The following KCNC3 variants were observed in gnomAD, a reference collection of about 807,000 sequenced individuals.
The protein encoded by KCNC3 is potassium voltage-gated channel subfamily C member 3.
KCNC3 carries 22 observed loss-of-function variants against 43.9 expected under a neutral mutation model. The observed-to-expected ratio is 0.50, with a 90% CI of 0.36 to 0.72. The LOEUF (loss-of-function observed/expected upper bound fraction) is 0.72. KCNC3 is among the 30% of genes least tolerant of loss of function. The pLI is 0.00. For synonymous variants in KCNC3, 492 were observed against 488.0 expected (o/e 1.01, Z -0.11); for missense variants, 829 against 1,073.8 (o/e 0.77, Z 3.19).
At position 50,328,591 on chromosome 19, in the gene KCNC3, C is replaced by T; in HGVS notation, c.492G>A (p.Gly164=). The change falls in exon 1 of 5, where the codon GGG becomes GGA. Residue 164 remains glycine, a synonymous_variant. Transcript: ENST00000477616. Reference sequence around the variant, plus strand: ...AGCCGAGCTCCTCCTCAAACAGGGGCCCGCACACGTCGGCTGGGCAGTGCA... The same window carrying T: ...AGCCGAGCTCCTCCTCAAACAGGGGTCCGCACACGTCGGCTGGGCAGTGCA... The part of the protein sequence containing the change: ...GKLHCPADVC[G]PLFEEELGFW... 1 of 1,611,304 alleles carries T rather than the reference C, an allele frequency of 6.2e-7. No individual in the cohort carries two copies. Among genetic ancestry groups the T allele is most frequent in the Non-Finnish European group, 8.5e-7 (1 of 1,179,530 alleles).
rs1385849306 is a variant in KCNC3, at chr19:50,329,039, C to G, written c.44G>C (p.Gly15Ala). 7.4e-7 allele frequency: 1 copy of G among 1,350,604 alleles called. No homozygotes were observed. Among genetic ancestry groups the G allele is most frequent in the African/African-American group, 1.5e-5 (1 of 65,112 alleles). The allele number at this position is 1,350,604 out of a possible 1,614,324, so 83.7% of individuals were successfully genotyped here. Residue 15 changes from glycine to alanine, a missense_variant, in exon 1 of 5, where the codon GGG becomes GCG. By Grantham distance (60) the Gly-to-Ala change is moderately conservative. Coordinates refer to ENST00000477616, the MANE Select transcript of KCNC3 (RefSeq NM_004977.3). ...VCVSSFRGRQ[G>A]ASKQQPAPPP... ...TGGCGCCGGCTGCTGCTTGCTGGCC[C>G]CCTGGCGCCCGCGGAAGGACGAGAC...
intron 1 of KCNC3, among the ~76,000 whole-genome samples, chr19:50,325,593 C>A (rs201926679): frequency 9.4e-5 from 14 of 149,416 alleles, no homozygotes; most frequent in African/African-American, 3.2e-4. Context: ...ACTCCCCCCC[C>A]ACCCCCACCT....
At chr19:50,322,823 GCCT>G in intron 2 of KCNC3, 149 bp downstream of exon 2, 1 of 695,280 alleles carries the variant, frequency 1.4e-6, no homozygotes, top group East Asian at 2.8e-5. Flanking sequence ...GATTATCTGT[GCCT>G]CCTTCTTCGC....
chr19:50,333,532 G>A (rs2037211151), upstream of KCNC3: 1 of 208,180 alleles, frequency 4.8e-6, no homozygotes, highest in Non-Finnish European at 1.0e-5. Flanking sequence ...TCCCACGCAT[G>A]TTGTGGCTGC....
rs1568568176 is a variant in KCNC3, at chr19:50,313,981, G to A, written c.*2134C>T. 1 of 152,308 alleles carries A rather than the reference G, an allele frequency of 6.6e-6. No individual in the cohort carries two copies. The highest frequency in any genetic ancestry group is 1.9e-4 in the East Asian group (1 of 5,180). The allele number at this position is 152,308 out of a possible 1,614,324, so 9.4% of individuals were successfully genotyped here. A position where few individuals can be genotyped will look rare whatever the true frequency, so the allele number is the denominator to read the frequency against. On this transcript the variant is annotated 3_prime_UTR_variant, in exon 5 of 5. Transcript: ENST00000477616. ...GCCAGGGTCAGTCTCAGAATTCTGG[G>A]TGCAGGTCTCATGTCCTGGGAATGG... is the stretch of plus-strand genomic sequence containing the variant.
In KCNC3 at chr19:50,314,957, G is replaced by A. The variant is rs1331043742; in HGVS notation, c.*1158C>T. The A allele has an allele frequency of 3.4e-6, 1 of 296,000 alleles. No homozygotes were observed. Among genetic ancestry groups the A allele is most frequent in the Non-Finnish European group, 6.6e-6 (1 of 151,818 alleles). 18.3% of individuals were successfully genotyped at this position (296,000 alleles called of 1,614,324 possible). A position where few individuals can be genotyped will look rare whatever the true frequency, so the allele number is the denominator to read the frequency against. On this transcript the variant is annotated 3_prime_UTR_variant, in exon 5 of 5. Transcript: ENST00000477616. ...GCGCAGGGACACCCCGCTCAGGCCC[G>A]CGATGCTGCTGAGGCTGCGGGATTT...
upstream of KCNC3, chr19:50,333,457 G>T: frequency 5.4e-6 from 1 of 185,976 alleles, no homozygotes; most frequent in Non-Finnish European, 1.2e-5. Flanking sequence ...ACAGGAACTG[G>T]TAAACCCTTA....
chr19:50,328,559 C>T lies in KCNC3; in HGVS notation c.524G>A (p.Gly175Asp), dbSNP rs1264454076. The T allele has an allele frequency of 1.2e-6, 2 of 1,610,792 alleles. No homozygotes were observed. The highest frequency in any genetic ancestry group is 1.3e-5 in the African/African-American group (1 of 74,772). Residue 175 changes from glycine (G) to aspartate (D), a missense_variant, in exon 1 of 5, where the codon GGC (glycine) becomes GAC (aspartate). This residue lies in a region of KCNC3 where 121 missense variants were observed against 247.4 expected (regional missense o/e 0.49). Transcript: ENST00000477616. ...GGCCTCCACGTCGGTCTCGTCGATG[C>T]CCCAGAAGCCGAGCTCCTCCTCAAA... is the stretch of plus-strand genomic sequence containing the variant. Reference protein sequence around the residue: ...PLFEEELGFWGIDETDVEACC... With the variant: ...PLFEEELGFWDIDETDVEACC...
intron 4 of KCNC3, among the ~76,000 whole-genome samples, chr19:50,319,763 T>C (rs1262045757): frequency 6.6e-6 from 1 of 152,114 alleles, no homozygotes; most frequent in Non-Finnish European, 1.5e-5. Context: ...TGTTCACGGT[T>C]GAACTCCCCA....
rs543077608 is a variant in KCNC3 at position 50,313,603 on chromosome 19, G to C, written c.*2512C>G. On this transcript the variant is annotated 3_prime_UTR_variant, in exon 5 of 5. Transcript: ENST00000477616. ...CAAAGAGGGTGCTTGGGGAGGGTCT[G>C]GTTCCCTGGAATTGCAGACAGGTTG... The C allele has an allele frequency of 6.6e-5, 10 of 152,270 alleles. No individual in the cohort carries two copies. The highest frequency in any genetic ancestry group is 5.9e-4 in the Admixed American group (9 of 15,300). The allele number at this position is 152,270 out of a possible 1,614,324, so 9.4% of individuals were successfully genotyped here.
chr19:50,331,340 G>C (rs535667618), upstream of KCNC3, among the ~76,000 whole-genome samples: 6 of 134,404 alleles, frequency 4.5e-5, no homozygotes, highest in African/African-American at 1.9e-4. Context: ...GTGCCTCTCT[G>C]TCTGGGGCTC....
Position 50,317,141 on chromosome 19 carries a change from G to C in KCNC3, c.*24-1050C>G, listed in dbSNP as rs2036966772. On this transcript the variant is annotated intron_variant, in intron 4 of 4. Coordinates refer to ENST00000477616, the MANE Select transcript of KCNC3 (RefSeq NM_004977.3). ...AAGGACTGGGAGTGGGTGCAAGCAG[G>C]GGGAGGAGTTAGATAGGAGCAGGGA... 2.6e-5 allele frequency among the ~76,000 whole-genome samples: 4 copies of C among 151,796 alleles called. No individual in the cohort carries two copies. The Middle Eastern group carries it at 0.01, about 387-fold the overall frequency.
At chr19:50,320,105 G>T (rs1335807505) in intron 4 of KCNC3, 118 bp downstream of exon 4, 3 of 221,178 alleles carry the variant, frequency 1.4e-5, no homozygotes, top group Non-Finnish European at 2.6e-5. Flanking sequence ...GGGTGCAGCT[G>T]CTTGCAGTGA....
upstream of KCNC3, among the ~76,000 whole-genome samples, chr19:50,332,559 G>A (rs567638407): frequency 6.6e-6 from 1 of 152,184 alleles, no homozygotes; most frequent in African/African-American, 2.4e-5. The surrounding 1 kb of genome is among the most constrained non-coding windows in gnomAD (Gnocchi z 5.8). Flanking sequence ...AGGGTCTATG[G>A]GAGGATTTGT....
chr19:50,322,885 C>G (rs745814271), intron 2 of KCNC3, 90 bp downstream of exon 2: 1 of 1,392,480 alleles, frequency 7.2e-7, no homozygotes, highest in South Asian at 1.4e-5. Context: ...TCGACGCCAA[C>G]CACCCCAGGT....
Position 50,328,303 on chromosome 19 carries a change from G to C in KCNC3, c.780C>G (p.Gly260=). The C allele has an allele frequency of 1.7e-6, 2 of 1,148,476 alleles. No individual in the cohort carries two copies. Among genetic ancestry groups the C allele is most frequent in the Non-Finnish European group, 2.1e-6 (2 of 938,434 alleles). 71.1% of individuals were successfully genotyped at this position (1,148,476 alleles called of 1,614,324 possible). ...AGGGAGGPPG[G]AGGAGGTWWR... is the part of the protein sequence containing the mutation. ...ACCATGTGCCGCCCGCGCCGCCCGCGCCCCCTGGCGGCCCCCCGGCGCCGC... is the reference window on the plus strand; with the variant it reads ...ACCATGTGCCGCCCGCGCCGCCCGCCCCCCCTGGCGGCCCCCCGGCGCCGC... Residue 260 remains glycine, a synonymous_variant, in exon 1 of 5, where the codon GGC becomes GGG. Coordinates refer to ENST00000477616, the MANE Select transcript of KCNC3 (RefSeq NM_004977.3).
In KCNC3 at chr19:50,320,615, G is replaced by A. The variant is rs1426131492; in HGVS notation, c.2148C>T (p.Ser716=). The part of the protein sequence containing the change: ...ACFLLTDYAP[S]PDGSIRKATG... The stretch of plus-strand genomic sequence containing the variant: ...CACCTTTTCGGATGGAGCCATCAGG[G>A]GAAGGGGCATAGTCGGTGAGGAGGA... Residue 716 remains serine (S), a synonymous_variant, in exon 3 of 5, where the codon TCC becomes TCT. Transcript: ENST00000477616. 1 of 1,612,574 alleles carries A rather than the reference G, an allele frequency of 6.2e-7. No individual in the cohort carries two copies. Among genetic ancestry groups the A allele is most frequent in the Non-Finnish European group, 8.5e-7 (1 of 1,179,784 alleles).
At position 50,321,786 on chromosome 19, in the gene KCNC3, A is replaced by G. The variant is rs572839443; in HGVS notation, c.1979-1002T>C. Among the ~76,000 whole-genome samples the G allele has an allele frequency of 5.9e-5, 9 of 151,760 alleles. No homozygotes were observed. In the South Asian group the frequency reaches 1.0e-3, roughly 18 times the overall value. The stretch of plus-strand genomic sequence containing the variant: ...CTCCGTCTTGGAATAAGAAAAAAAA[A>G]AGAGAGAGATGGTTGCGGATGAAGC... On this transcript the variant is annotated intron_variant, in intron 2 of 4. Coordinates refer to ENST00000477616, the MANE Select transcript of KCNC3 (RefSeq NM_004977.3).
At position 50,324,982 on chromosome 19, in the gene KCNC3, C is replaced by T. The variant is rs1368534476; in HGVS notation, c.871-900G>A. Among the ~76,000 whole-genome samples, 1 of 152,042 alleles carries T rather than the reference C, an allele frequency of 6.6e-6. No individual in the cohort carries two copies. Among genetic ancestry groups the T allele is most frequent in the Non-Finnish European group, 1.5e-5 (1 of 68,018 alleles). ...CCTGAAGAGGAAGGAGAGTCACTGG[C>T]CTGGACATTGTGGGAAAAGGCAGAG... On this transcript the variant is annotated intron_variant, in intron 1 of 4. Coordinates refer to ENST00000477616, the MANE Select transcript of KCNC3 (RefSeq NM_004977.3). The surrounding 1 kb of genome is among the most constrained non-coding windows in gnomAD (Gnocchi z 4.1).
Sources: gnomAD v4.1 joint callset for allele counts (sites outside exome capture counted in the v4.1 genomes callset) on GRCh38, gnomAD v4.1.1 for gene constraint, gnomAD v4.1.1 regional missense constraint, Gnocchi (gnomAD v3.1) non-coding constraint, MANE v1.5 for transcripts, NCBI Gene and HGNC (gene_info 2026-07-23, HGNC 2026-07-21) for gene names.